Variants in COL27A1 observed in about 807,000 individuals in gnomAD.
COL27A1 encodes collagen alpha-1(XXVII) chain.
Under a neutral mutation model 251.3 loss-of-function variants are expected in COL27A1, and 106 were observed. The ratio of observed to expected loss-of-function variants is 0.42; its 90% CI spans 0.36 to 0.50. COL27A1 has a LOEUF of 0.50. Ranked by LOEUF, COL27A1 falls within the 20% of genes least tolerant of loss-of-function variation. The pLI, the probability that COL27A1 is intolerant of heterozygous loss-of-function variation, is 0.00. For synonymous variants in COL27A1, 1,000 were observed against 986.3 expected (o/e 1.01, Z -0.26); for missense variants, 2,325 against 2,522.8 (o/e 0.92, Z 1.68).
intron 14 of COL27A1, among the ~76,000 whole-genome samples, chr9:114,228,275 C>T (rs992086762): frequency 6.6e-6 from 1 of 152,230 alleles, no homozygotes; most frequent in Admixed American, 6.5e-5. Context: ...AAGAAAGAGC[C>T]TGTGTTTCTG....
chr9:114,155,994 CGG>C lies in COL27A1; in HGVS notation c.45_46del (p.Ala16GlyfsTer28). On this transcript the variant is annotated frameshift_variant, in exon 1 of 61. Transcript: ENST00000356083. LOFTEE classifies it high-confidence loss of function. This position sits in a 1 kb window ranked among gnomAD's most constrained non-coding sequence, Gnocchi z 5.5. ...CGGGGGGCCCGAGGCACAGCGGCGG[CGG>C]CGGCGGCGCGCGGGGGGTGAGTACG... 7.7e-7 allele frequency: 1 copy of C among 1,295,142 alleles called. No individual in the cohort carries two copies. The allele number at this position is 1,295,142 out of a possible 1,614,324, so 80.2% of individuals were successfully genotyped here.
At chr9:114,205,201 A>C (rs1019023663) in intron 8 of COL27A1, 55 bp downstream of exon 8, 1 of 1,523,008 alleles carries the variant, frequency 6.6e-7, no homozygotes, top group Non-Finnish European at 9.0e-7. Context: ...CCCAGCCCCT[A>C]CCTGTCTCTG....
intron 16 of COL27A1, among the ~76,000 whole-genome samples, chr9:114,234,816 G>A (rs1832242539): frequency 6.6e-6 from 1 of 151,598 alleles, no homozygotes; most frequent in African/African-American, 2.4e-5. Flanking sequence ...AGTGGCTCAC[G>A]CCTGTAATCC....
chr9:114,226,554 G>A (rs1378141840), intron 14 of COL27A1, among the ~76,000 whole-genome samples: 1 of 152,204 alleles, frequency 6.6e-6, no homozygotes, highest in Non-Finnish European at 1.5e-5. Context: ...CAGAGATAGC[G>A]TGTATGTGAC....
chr9:114,188,418 T>C (rs1828532849), intron 5 of COL27A1, among the ~76,000 whole-genome samples: 1 of 152,018 alleles, frequency 6.6e-6, no homozygotes, highest in Non-Finnish European at 1.5e-5. Context: ...TCACTACCAT[T>C]TGCTGCTTGT....
At chr9:114,269,634 A>AAAAAAG (rs796293254) in intron 35 of COL27A1, among the ~76,000 whole-genome samples, 7,610 of 113,676 alleles carry the variant, frequency 0.067, 1,110 homozygotes, top group African/African-American at 0.24. Context: ...AAAAAAAAAA[A>AAAAAAG]AAGAAGAAGA....
Position 114,196,005 on chromosome 9 carries a change from G to A in COL27A1, c.2117G>A (p.Gly706Glu). ...PGLSGNPGPP[G>E]RKGHKGYPGP... ...CTCTCCGGGAATCCAGGACCTCCGG[G>A]ACGAAAGGTACTGTTTGGTTTTGAT... Residue 706 changes from glycine (G) to glutamate (E), a missense_variant, in exon 7 of 61, where the codon GGA becomes GAA. Coordinates refer to ENST00000356083, the MANE Select transcript of COL27A1 (RefSeq NM_032888.4). The A allele has an allele frequency of 9.9e-6, 16 of 1,614,066 alleles. No homozygotes were observed. The highest frequency in any genetic ancestry group is 1.4e-5 in the Non-Finnish European group (16 of 1,179,954).
At chr9:114,180,030 G>C (rs538146184) in intron 4 of COL27A1, among the ~76,000 whole-genome samples, 1 of 151,956 alleles carries the variant, frequency 6.6e-6, no homozygotes, top group South Asian at 2.1e-4. Flanking sequence ...AGTAGACATG[G>C]GGTTTCACCA....
Position 114,168,781 on chromosome 9 carries a change from C to T in COL27A1, c.1226C>T (p.Pro409Leu), listed in dbSNP as rs769402761. 11 of 1,613,920 alleles carry T rather than the reference C, an allele frequency of 6.8e-6. No homozygotes were observed. The highest frequency in any genetic ancestry group is 9.3e-6 in the Non-Finnish European group (11 of 1,180,044). The change falls in exon 3 of 61, where the codon CCT becomes CTT. Residue 409 changes from proline (P) to leucine (L), a missense_variant. Pro to Leu is a moderately conservative substitution (Grantham distance 98). This residue lies in a region of COL27A1 where 1,183 missense variants were observed against 1,144.1 expected (regional missense o/e 1.03). Transcript: ENST00000356083. ...CTACCCACTCAGAAGCAAGTGCCAC[C>T]TACTTCCCGTCCAGTTCCTGCCAGA... is the stretch of plus-strand genomic sequence containing the variant. ...SALPTQKQVP[P>L]TSRPVPARVS...
chr9:114,300,420 G>C, intron 50 of COL27A1: 1 of 581,522 alleles, frequency 1.7e-6, no homozygotes, highest in Non-Finnish European at 3.0e-6. Flanking sequence ...AAGACCAGGG[G>C]CATATGCCAC....
intron 28 of COL27A1, among the ~76,000 whole-genome samples, chr9:114,261,678 C>T (rs1157459364): frequency 6.6e-6 from 1 of 152,236 alleles, no homozygotes. Context: ...GCCTTCCTGG[C>T]AGGATCCTCT....
rs1000021744 is a variant in COL27A1 at position 114,171,030 on chromosome 9, G to A, written c.1908+1567G>A. ...TGTGTGGTGTGGAGAGAGGAGCGGA[G>A]CTGGCCCAGGGCAGATTCTATAGTA... On this transcript the variant is annotated intron_variant, in intron 3 of 60. Coordinates refer to ENST00000356083, the MANE Select transcript of COL27A1 (RefSeq NM_032888.4). Among the ~76,000 whole-genome samples the A allele has an allele frequency of 3.3e-5, 5 of 152,340 alleles. No homozygotes were observed. The East Asian group carries it at 9.6e-4, about 29-fold the overall frequency.
chr9:114,237,691 G>A lies in COL27A1; in HGVS notation c.2703G>A (p.Gly901=). The change falls in exon 19 of 61, where the codon GGG becomes GGA. Residue 901 remains glycine, a synonymous_variant. Coordinates refer to ENST00000356083, the MANE Select transcript of COL27A1 (RefSeq NM_032888.4). The part of the protein sequence containing the change: ...LGKVGDKGSI[G]FPGPPGPEGF... ...AAGTCGGAGACAAAGGATCCATTGG[G>A]TTTCCCGGGCCCCCTGGACCCGAGG... The A allele has an allele frequency of 6.2e-7, 1 of 1,614,162 alleles. No individual in the cohort carries two copies. The highest frequency in any genetic ancestry group is 8.5e-7 in the Non-Finnish European group (1 of 1,180,024).
chr9:114,244,031 T>C (rs1034097230), intron 23 of COL27A1, among the ~76,000 whole-genome samples: 12 of 151,054 alleles, frequency 7.9e-5, no homozygotes, highest in Admixed American at 2.7e-4. Flanking sequence ...GTTCAACTGG[T>C]CCTCCTGCCT....
At chr9:114,209,561 G>A (rs759456160) in intron 10 of COL27A1, 114 bp from the exon 11 acceptor site, 1 of 960,628 alleles carries the variant, frequency 1.0e-6, no homozygotes, top group African/African-American at 1.6e-5. Flanking sequence ...CTGCCACCAG[G>A]GAGGAAGAGG....
chr9:114,155,934 T>G lies in COL27A1; in HGVS notation c.-17T>G. 8.0e-7 allele frequency: 1 copy of G among 1,245,110 alleles called. No individual in the cohort carries two copies. Among genetic ancestry groups the G allele is most frequent in the Non-Finnish European group, 1.0e-6 (1 of 990,564 alleles). The allele number at this position is 1,245,110 out of a possible 1,614,324, so 77.1% of individuals were successfully genotyped here. On this transcript the variant is annotated 5_prime_UTR_variant, in exon 1 of 61. The change abolishes an upstream ATG in the 5' untranslated region. Transcript: ENST00000356083. The surrounding 1 kb of genome is among the most constrained non-coding windows in gnomAD (Gnocchi z 5.5). ...CACTTGCCCCCCGGGCTCGGGAGCA[T>G]GAAGTAGGGGCCTGCCATGGGAGCG...
chr9:114,245,055 T>C (rs1454632223), intron 23 of COL27A1, among the ~76,000 whole-genome samples: 1 of 151,662 alleles, frequency 6.6e-6, no homozygotes, highest in Non-Finnish European at 1.5e-5. Flanking sequence ...AGAGCTCTAG[T>C]GTGTTGAGGT....
intron 40 of COL27A1, 43 bp downstream of exon 40, chr9:114,283,805 C>T (rs1836085259): frequency 1.9e-6 from 3 of 1,603,264 alleles, no homozygotes; most frequent in Non-Finnish European, 1.7e-6. Context: ...CTCTGTCCTG[C>T]AGGCCTGGAA....
At chr9:114,285,672 G>A (rs1266150301) in intron 41 of COL27A1, among the ~76,000 whole-genome samples, 1 of 152,318 alleles carries the variant, frequency 6.6e-6, no homozygotes. Context: ...CTCAGCCATG[G>A]TAGACGGCCA....
Sources: allele counts gnomAD v4.1 joint callset (sites outside exome capture counted in the v4.1 genomes callset), GRCh38; gene constraint gnomAD v4.1.1; regional missense constraint gnomAD v4.1.1; non-coding constraint Gnocchi (gnomAD v3.1); transcripts MANE v1.5; gene names NCBI Gene and HGNC (gene_info 2026-07-23, HGNC 2026-07-21).